The following LPIN1 variants were observed in gnomAD, a reference collection of about 807,000 sequenced individuals.
LPIN1 encodes phosphatidate phosphatase LPIN1.
LPIN1 carries 71 observed loss-of-function variants against 107.5 expected under a neutral mutation model. The ratio of observed to expected loss-of-function variants is 0.66; its 90% confidence interval spans 0.55 to 0.80. The LOEUF is 0.80. Ranked by LOEUF, LPIN1 falls within the 30% of genes least tolerant of loss-of-function variation. The probability of loss-of-function intolerance (pLI) is 0.00; values close to 1 mark genes in which losing one functional copy is unlikely to be tolerated. For synonymous variants in LPIN1, 445 were observed against 452.6 expected (o/e 0.98, Z 0.21); for missense variants, 1,043 against 1,160.6 (o/e 0.90, Z 1.47).
chr2:11,738,154 A>C (rs1162584769), intron 1 of LPIN1, among the ~76,000 whole-genome samples: 4 of 151,894 alleles, frequency 2.6e-5, no homozygotes, highest in Non-Finnish European at 4.4e-5. Flanking sequence ...CAAACACCGC[A>C]TGTTCTCACT....
rs1672656029 is a variant in LPIN1 at position 11,776,171 on chromosome 2, T to TC, written c.811dup (p.Leu271ProfsTer17). ...GTCTAGTTCTTGCCCTCCACAGTCTTCCCTGTTCCATCCTTCGGAAAGGTA... is the reference window on the plus strand; with the variant it reads ...GTCTAGTTCTTGCCCTCCACAGTCTTCCCCTGTTCCATCCTTCGGAAAGGTA... On this transcript the variant is annotated frameshift_variant, in exon 6 of 21. Coordinates refer to ENST00000674199, the MANE Select transcript of LPIN1 (RefSeq NM_001349206.2). LOFTEE classifies it high-confidence loss of function. 8 of 1,543,114 alleles carry TC rather than the reference T, an allele frequency of 5.2e-6. No homozygotes were observed. The highest frequency in any genetic ancestry group is 7.0e-6 in the Non-Finnish European group (8 of 1,141,734).
intron 3 of LPIN1, 96 bp downstream of exon 3, chr2:11,767,954 G>C (rs187425526): frequency 2.4e-6 from 2 of 826,756 alleles, no homozygotes; most frequent in African/African-American, 3.4e-5. Flanking sequence ...AAGTAATACC[G>C]GCCGTGGCTG....
intron 1 of LPIN1, among the ~76,000 whole-genome samples, chr2:11,690,107 T>C (rs1431057205): frequency 6.6e-6 from 1 of 152,182 alleles, no homozygotes; most frequent in African/African-American, 2.4e-5. Flanking sequence ...CAGTTATTGT[T>C]TTCAGTAAAA....
intron 1 of LPIN1, among the ~76,000 whole-genome samples, chr2:11,754,382 T>C (rs1668346576): frequency 6.6e-6 from 1 of 152,210 alleles, no homozygotes; most frequent in African/African-American, 2.4e-5. Flanking sequence ...GTAGCTTCTC[T>C]CCAGGAAATG....
rs1682166839 is a variant in LPIN1, at chr2:11,824,857, C to T, written c.*66C>T. On this transcript the variant is annotated 3_prime_UTR_variant, in exon 21 of 21. Transcript: ENST00000674199. The stretch of plus-strand genomic sequence containing the variant: ...TTGTCACCCATTAAAGGATAGGTCT[C>T]CCCGGAGTGCACAGCTCCACCTGGG... 6.3e-7 allele frequency: 1 copy of T among 1,578,042 alleles called. No homozygotes were observed. The highest frequency in any genetic ancestry group is 8.7e-7 in the Non-Finnish European group (1 of 1,149,972).
intron 3 of LPIN1, among the ~76,000 whole-genome samples, chr2:11,769,032 T>C (rs1407016776): frequency 1.3e-5 from 2 of 152,222 alleles, no homozygotes; most frequent in Non-Finnish European, 2.9e-5. Context: ...TGTGAACATT[T>C]GTATACAAGT....
intron 20 of LPIN1, among the ~76,000 whole-genome samples, chr2:11,823,651 A>G (rs987605101): frequency 3.3e-5 from 5 of 152,196 alleles, no homozygotes; most frequent in African/African-American, 9.7e-5. Flanking sequence ...TCAAGGAGGA[A>G]TCTGGGGATG....
chr2:11,798,574 A>G (rs1301987813), intron 14 of LPIN1, among the ~76,000 whole-genome samples: 1 of 152,218 alleles, frequency 6.6e-6, no homozygotes, highest in East Asian at 1.9e-4. Flanking sequence ...GCTTTTTCCC[A>G]TCAAATAGAA....
chr2:11,732,911 CTG>C (rs35991291), intron 1 of LPIN1, among the ~76,000 whole-genome samples: 80 of 148,468 alleles, frequency 5.4e-4, no homozygotes, highest in Non-Finnish European at 5.5e-4. Context: ...CTCTCTCTCT[CTG>C]TGTGTGTGTG....
chr2:11,704,762 C>T (rs1663044922), intron 1 of LPIN1, among the ~76,000 whole-genome samples: 1 of 152,160 alleles, frequency 6.6e-6, no homozygotes, highest in African/African-American at 2.4e-5. Context: ...CCTCTATCTC[C>T]CCGGGATCCC....
chr2:11,691,114 A>T (rs1247869462), intron 1 of LPIN1, among the ~76,000 whole-genome samples: 1 of 144,856 alleles, frequency 6.9e-6, no homozygotes, highest in Non-Finnish European at 1.5e-5. Flanking sequence ...CTCCTTTAAT[A>T]CCCCTCACAC....
In LPIN1 at chr2:11,782,234, C is replaced by T. The variant is rs1331269315; in HGVS notation, c.991C>T (p.Pro331Ser). The change falls in exon 8 of 21, where the codon CCA becomes TCA. Residue 331 changes from proline to serine, a missense_variant. Transcript: ENST00000674199. ...TCCACACAAGATGAAAGAGTCCAGC[C>T]CATTGAGCAGTAGAAAAATTTGTGA... ...SSPHKMKESS[P>S]LSSRKICDKS... The T allele has an allele frequency of 5.0e-6, 8 of 1,614,086 alleles. No homozygotes were observed. Among genetic ancestry groups the T allele is most frequent in the Non-Finnish European group, 5.9e-6 (7 of 1,179,992 alleles).
chr2:11,702,549 C>T (rs1662925315), intron 1 of LPIN1, among the ~76,000 whole-genome samples: 1 of 152,202 alleles, frequency 6.6e-6, no homozygotes, highest in Non-Finnish European at 1.5e-5. Flanking sequence ...ATATGTGAGA[C>T]AACGCGGATG....
At chr2:11,791,763 CTA>C in intron 12 of LPIN1, 149 bp from the exon 13 acceptor site, 2 of 1,488,246 alleles carry the variant, frequency 1.3e-6, no homozygotes, top group Non-Finnish European at 1.8e-6. Flanking sequence ...TTTTGCTTCT[CTA>C]AAATTTTTAA....
In LPIN1 at chr2:11,693,814, ATATATATATTTTTTTTTTTTTT is replaced by A. The variant is rs1266340320; in HGVS notation, c.81+16088_81+16109del. On this transcript the variant is annotated intron_variant, in intron 1 of 21. Coordinates refer to the LPIN1 transcript ENST00000449576. ...TATATATATATATATATATATATAT[ATATATATATTTTTTTTTTTTTT>A]TTTTTTTTTTTTTTTTGAGATGGAG... 3.6e-3 allele frequency among the ~76,000 whole-genome samples: 120 copies of A among 32,904 alleles called. 2 individuals carry two copies. In the East Asian group the frequency reaches 0.067, roughly 18 times the overall value. 21.6% of individuals were successfully genotyped at this position (32,904 alleles called of 152,430 possible).
At position 11,696,557 on chromosome 2, in the gene LPIN1, G is replaced by C. The variant is rs546149048; in HGVS notation, c.82-17199G>C. 1.1e-4 allele frequency among the ~76,000 whole-genome samples: 17 copies of C among 152,320 alleles called. No individual in the cohort carries two copies. The South Asian group carries it at 3.3e-3, about 30-fold the overall frequency. ...CGGTGCTAGAGCCTGGGTTTGGCCA[G>C]AGAATTGGGTCCCGGTCAGAAGTGA... On this transcript the variant is annotated intron_variant, in intron 1 of 21. Transcript: ENST00000449576.
At chr2:11,681,314 T>C (rs1404933990) in intron 1 of LPIN1, 1 of 152,270 alleles carries the variant, frequency 6.6e-6, no homozygotes, top group Non-Finnish European at 1.5e-5. Flanking sequence ...TAATCCCCAG[T>C]GTTGGAGGAA....
At chr2:11,795,316 C>A (rs1457382330) in intron 13 of LPIN1, 92 bp from the exon 14 acceptor site, 3 of 1,023,754 alleles carry the variant, frequency 2.9e-6, no homozygotes, top group Non-Finnish European at 4.6e-6. Flanking sequence ...CTTTAGGGGT[C>A]CTGCCTTAAG....
At chr2:11,773,578 A>C (rs370404545) in intron 4 of LPIN1, 42 bp from the exon 5 acceptor site, 215 of 1,570,088 alleles carry the variant, frequency 1.4e-4, no homozygotes, top group Middle Eastern at 7.8e-4. Context: ...TGAATCTATC[A>C]TTAAGAATTC....
Sources: gnomAD v4.1 joint callset for allele counts (sites outside exome capture counted in the v4.1 genomes callset) on GRCh38, gnomAD v4.1.1 for gene constraint, MANE v1.5 for transcripts, NCBI Gene and HGNC (gene_info 2026-07-23, HGNC 2026-07-21) for gene names.